RPTOR: variants seen among roughly 807,000 people sequenced by gnomAD.
RPTOR encodes the protein regulatory-associated protein of mTOR.
Under a neutral mutation model 169.9 loss-of-function variants are expected in RPTOR, and 21 were observed. The ratio of observed to expected loss-of-function variants is 0.12; its 90% CI spans 0.09 to 0.18. The LOEUF (loss-of-function observed/expected upper bound fraction) is 0.18. Ranked by LOEUF, RPTOR falls within the 10% of genes least tolerant of loss-of-function variation. The pLI, the probability that RPTOR is intolerant of heterozygous loss-of-function variation, is 1.00. For missense variants in RPTOR, 1,133 were observed against 1,855.9 expected (o/e 0.61, Z 7.16); for synonymous variants, 732 against 753.2 (o/e 0.97, Z 0.46).
intron 3 of RPTOR, among the ~76,000 whole-genome samples, chr17:80,673,973 T>A (rs1457964168): frequency 6.6e-6 from 1 of 152,264 alleles, no homozygotes; most frequent in East Asian, 1.9e-4. Flanking sequence ...GGTCTGCCAC[T>A]GAGAGTGTCA....
chr17:80,698,338 C>T (rs188563013), intron 3 of RPTOR, among the ~76,000 whole-genome samples: 36 of 151,718 alleles, frequency 2.4e-4, no homozygotes, highest in African/African-American at 8.7e-4. Flanking sequence ...CTGTGGGAGC[C>T]ATCTAGGTAC....
chr17:80,913,382 C>T (rs1283662551), intron 21 of RPTOR, among the ~76,000 whole-genome samples: 1 of 152,118 alleles, frequency 6.6e-6, no homozygotes, highest in Non-Finnish European at 1.5e-5. Context: ...ATTTCGATTC[C>T]CATTCCATGG....
At chr17:80,622,520 T>G (rs1567824457) in intron 1 of RPTOR, among the ~76,000 whole-genome samples, 1 of 152,248 alleles carries the variant, frequency 6.6e-6, no homozygotes, top group Non-Finnish European at 1.5e-5. Context: ...CTCTTACGCT[T>G]CATAATGGAG....
intron 20 of RPTOR, among the ~76,000 whole-genome samples, chr17:80,900,461 C>T (rs888467220): frequency 5.3e-5 from 8 of 152,186 alleles, no homozygotes; most frequent in African/African-American, 1.9e-4. Context: ...GGATTACAGG[C>T]GCATGCCACC....
At chr17:80,806,409 T>C (rs933467354) in intron 7 of RPTOR, among the ~76,000 whole-genome samples, 1 of 152,208 alleles carries the variant, frequency 6.6e-6, no homozygotes, top group Non-Finnish European at 1.5e-5. Context: ...CTTGAACATG[T>C]ATCTCTTTTT....
chr17:80,758,932 C>T (rs572445703), intron 6 of RPTOR, among the ~76,000 whole-genome samples: 2 of 151,436 alleles, frequency 1.3e-5, no homozygotes, highest in South Asian at 2.1e-4. Flanking sequence ...CCTTCCCTGC[C>T]GCCCCACTCC....
chr17:80,549,347 G>A (rs2084317219), intron 1 of RPTOR, among the ~76,000 whole-genome samples: 1 of 152,156 alleles, frequency 6.6e-6, no homozygotes, highest in Non-Finnish European at 1.5e-5. Flanking sequence ...GGCTAAAACA[G>A]ATACGTATAT....
chr17:80,746,427 G>A lies in RPTOR; in HGVS notation c.655-7583G>A, dbSNP rs184281020. On this transcript the variant is annotated intron_variant, in intron 5 of 33. Transcript: ENST00000306801. The surrounding 1 kb of genome is among the most constrained non-coding windows in gnomAD (Gnocchi z 4.5). The stretch of plus-strand genomic sequence containing the variant: ...TGCCCGCTTACCTCATGAACTGCGC[G>A]TGCACTGACTCCACATTACCCACAC... Among the ~76,000 whole-genome samples, 37 of 152,356 alleles carry A rather than the reference G, an allele frequency of 2.4e-4. No individual in the cohort carries two copies. The highest frequency in any genetic ancestry group is 7.7e-4 in the East Asian group (4 of 5,186).
intron 4 of RPTOR, among the ~76,000 whole-genome samples, chr17:80,720,052 A>G (rs1316935990): frequency 6.6e-6 from 1 of 152,200 alleles, no homozygotes; most frequent in Non-Finnish European, 1.5e-5. Context: ...CTGTAATCCC[A>G]ACACTTTGGG....
intron 13 of RPTOR, among the ~76,000 whole-genome samples, chr17:80,874,938 T>C (rs537037814): frequency 2.2e-4 from 34 of 152,216 alleles, no homozygotes; most frequent in Admixed American, 4.6e-4. Flanking sequence ...CCCGTATCTC[T>C]GTGATTGTCT....
chr17:80,612,381 T>C (rs999426267), intron 1 of RPTOR, among the ~76,000 whole-genome samples: 1 of 152,222 alleles, frequency 6.6e-6, no homozygotes, highest in Non-Finnish European at 1.5e-5. Flanking sequence ...TCCTCCCACC[T>C]AGACCTCCCA....
intron 3 of RPTOR, among the ~76,000 whole-genome samples, chr17:80,694,824 C>T (rs1029947815): frequency 2.0e-5 from 3 of 152,218 alleles, no homozygotes; most frequent in African/African-American, 7.2e-5. Flanking sequence ...TGAAGACAGC[C>T]TCTCTGGCAC....
chr17:80,929,296 C>T (rs984464879), intron 24 of RPTOR, among the ~76,000 whole-genome samples: 2 of 152,114 alleles, frequency 1.3e-5, no homozygotes, highest in Non-Finnish European at 2.9e-5. Flanking sequence ...GGAACAAGCA[C>T]GGGAGGAGGC....
At chr17:80,783,153 G>C (rs1344807128) in intron 6 of RPTOR, among the ~76,000 whole-genome samples, 1 of 152,240 alleles carries the variant, frequency 6.6e-6, no homozygotes, top group Non-Finnish European at 1.5e-5. Context: ...CAGGCAAGGA[G>C]CCTCCCTTTC....
At position 80,709,406 on chromosome 17, in the gene RPTOR, C is replaced by T. The variant is rs186168852; in HGVS notation, c.507+1407C>T. Among the ~76,000 whole-genome samples, 959 of 152,330 alleles carry T rather than the reference C, an allele frequency of 6.3e-3. 5 individuals are homozygous for T. The highest frequency in any genetic ancestry group is 8.4e-3 in the Non-Finnish European group (571 of 68,024). ...CCCTGGCTCTCCTCTGTGGAGCCCC[C>T]GGTGTGCTGGCTCTCAGGCACGGCG... is the stretch of plus-strand genomic sequence containing the variant. On this transcript the variant is annotated intron_variant, in intron 4 of 33. Transcript: ENST00000306801.
chr17:80,842,064 C>T (rs2067676477), intron 10 of RPTOR, among the ~76,000 whole-genome samples: 1 of 152,204 alleles, frequency 6.6e-6, no homozygotes, highest in Non-Finnish European at 1.5e-5. Flanking sequence ...ACTCACGGCG[C>T]TGCAGCTCAC....
intron 17 of RPTOR, among the ~76,000 whole-genome samples, chr17:80,886,077 C>T (rs1045835390): frequency 2.0e-5 from 3 of 152,200 alleles, no homozygotes; most frequent in Non-Finnish European, 2.9e-5. Context: ...TGTGTCTCCC[C>T]GTCAGGTGGC....
intron 1 of RPTOR, among the ~76,000 whole-genome samples, chr17:80,554,395 C>T (rs2084380591): frequency 6.6e-6 from 1 of 152,036 alleles, no homozygotes; most frequent in Non-Finnish European, 1.5e-5. Context: ...CCAGATTTTT[C>T]TCACATACTT....
Position 80,964,536 on chromosome 17 carries a change from C to T in RPTOR, c.*206C>T, listed in dbSNP as rs535930128. The T allele has an allele frequency of 3.3e-6, 2 of 599,644 alleles. No individual in the cohort carries two copies. Among genetic ancestry groups the T allele is most frequent in the South Asian group, 2.0e-5 (1 of 50,134 alleles). The allele number at this position is 599,644 out of a possible 1,614,324, so 37.1% of individuals were successfully genotyped here. ...TGGAATGTCAGGGAAGGGGAGGGCTCGGGTTGACGGTGGCTTCCCACTGAG... is the reference window on the plus strand; with the variant it reads ...TGGAATGTCAGGGAAGGGGAGGGCTTGGGTTGACGGTGGCTTCCCACTGAG... On this transcript the variant is annotated 3_prime_UTR_variant, in exon 34 of 34. Transcript: ENST00000306801.
Sources: allele counts gnomAD v4.1 joint callset (sites outside exome capture counted in the v4.1 genomes callset), GRCh38; gene constraint gnomAD v4.1.1; non-coding constraint Gnocchi (gnomAD v3.1); transcripts MANE v1.5; gene names NCBI Gene and HGNC (gene_info 2026-07-23, HGNC 2026-07-21).